The following MARCHF1 variants were observed in gnomAD, a reference collection of about 807,000 sequenced individuals.
The protein encoded by MARCHF1 is E3 ubiquitin-protein ligase MARCHF1.
Under a neutral mutation model 54.2 loss-of-function variants are expected in MARCHF1, and 40 were observed. The ratio of observed to expected loss-of-function variants is 0.74; its 90% CI spans 0.57 to 0.96. MARCHF1 has a LOEUF of 0.96. Among genes scored for constraint, MARCHF1 ranks in the 40% least tolerant of loss-of-function variants. The pLI, the probability that MARCHF1 is intolerant of heterozygous loss-of-function variation, is 0.00. For synonymous variants in MARCHF1, 236 were observed against 236.3 expected, an observed-to-expected ratio of 1.00 and a Z score of 0.01; for missense variants, 586 against 656.5, an observed-to-expected ratio of 0.89 and a Z score of 1.17.
chr4:163,611,910 T>G (rs537853871), intron 7 of MARCHF1, among the ~76,000 whole-genome samples: 1 of 152,236 alleles, frequency 6.6e-6, no homozygotes, highest in East Asian at 1.9e-4. Flanking sequence ...TCTGTCAGGA[T>G]GCCAGCAAAT....
chr4:164,188,992 T>G (rs17044732), intron 1 of MARCHF1: 17,434 of 710,708 alleles, frequency 0.025, 509 homozygotes, highest in African/African-American at 0.11. Flanking sequence ...CTATGGCAGC[T>G]GCTATTGGTT....
At chr4:163,895,015 AC>A (rs1750773775) in intron 3 of MARCHF1, among the ~76,000 whole-genome samples, 2 of 151,728 alleles carry the variant, frequency 1.3e-5, no homozygotes, top group Admixed American at 1.3e-4. Flanking sequence ...ACACATACAC[AC>A]ACATATGCAT....
chr4:164,135,511 G>A (rs1756382239), intron 1 of MARCHF1: 1 of 152,184 alleles, frequency 6.6e-6, no homozygotes, highest in South Asian at 2.1e-4. Context: ...ACAAGAAGGA[G>A]AAGAAGAATG....
At chr4:163,874,491 C>T (rs1415553728) in intron 3 of MARCHF1, among the ~76,000 whole-genome samples, 1 of 147,454 alleles carries the variant, frequency 6.8e-6, no homozygotes, top group African/African-American at 2.4e-5. Context: ...TTATGGGTTC[C>T]TCCCACACTT....
intron 1 of MARCHF1, among the ~76,000 whole-genome samples, chr4:164,280,778 T>C (rs896690165): frequency 9.2e-5 from 14 of 152,146 alleles, no homozygotes; most frequent in African/African-American, 3.4e-4. Flanking sequence ...TAAGTGGCTA[T>C]ATAGTGAGAA....
At chr4:163,714,823 C>T (rs140337369) in intron 4 of MARCHF1, among the ~76,000 whole-genome samples, 16 of 152,228 alleles carry the variant, frequency 1.1e-4, no homozygotes, top group Non-Finnish European at 2.4e-4. Context: ...GCACATGTCA[C>T]TTTGCCTGGC....
At chr4:164,101,162 G>A (rs1432005660) in intron 2 of MARCHF1, among the ~76,000 whole-genome samples, 1 of 152,184 alleles carries the variant, frequency 6.6e-6, no homozygotes, top group African/African-American at 2.4e-5. Flanking sequence ...AGATCAAACT[G>A]CAAGGCAGCA....
intron 3 of MARCHF1, among the ~76,000 whole-genome samples, chr4:163,956,436 G>C (rs1303439161): frequency 6.6e-6 from 1 of 152,216 alleles, no homozygotes; most frequent in Non-Finnish European, 1.5e-5. Flanking sequence ...AGCCAGTACT[G>C]TTGTCCGAAT....
chr4:164,000,853 T>C lies in MARCHF1; in HGVS notation c.-247-12144A>G, dbSNP rs553843216. On this transcript the variant is annotated intron_variant, in intron 2 of 9. Coordinates refer to ENST00000514618, the MANE Select transcript of MARCHF1 (RefSeq NM_001394959.1). ...TTACTATTATATGGAATAGAAACAA[T>C]AGAAACAATGATTACTGTTGTTTCT... is the stretch of plus-strand genomic sequence containing the variant. Among the ~76,000 whole-genome samples the C allele has an allele frequency of 2.0e-3, 297 of 151,780 alleles. 1 individual carries two copies. Among genetic ancestry groups the C allele is most frequent in the African/African-American group, 7.0e-3 (290 of 41,528 alleles).
intron 1 of MARCHF1, among the ~76,000 whole-genome samples, chr4:164,318,319 T>C (rs571317580): frequency 6.6e-6 from 1 of 152,154 alleles, no homozygotes; most frequent in East Asian, 1.9e-4. Flanking sequence ...TGCAAGGCAA[T>C]GTTTGATGTT....
chr4:163,821,113 A>T lies in MARCHF1; in HGVS notation c.111+32908T>A, dbSNP rs147672335. On this transcript the variant is annotated intron_variant, in intron 4 of 9. Transcript: ENST00000514618. ...TCCCTGGCCTTCTAGGCTTTTATAC[A>T]CACTTTAATCTTTGCTTATAGTATG... 3.1e-3 allele frequency among the ~76,000 whole-genome samples: 478 copies of T among 152,026 alleles called. 3 individuals carry two copies. Among genetic ancestry groups the T allele is most frequent in the African/African-American group, 0.011 (456 of 41,486 alleles).
At chr4:163,913,012 T>C (rs896213102) in intron 3 of MARCHF1, among the ~76,000 whole-genome samples, 3 of 152,366 alleles carry the variant, frequency 2.0e-5, no homozygotes, top group Non-Finnish European at 1.5e-5. Context: ...TGTTCTGTTA[T>C]GATTTGCAGT....
chr4:163,641,007 T>C (rs1742532766), intron 5 of MARCHF1, among the ~76,000 whole-genome samples: 1 of 151,998 alleles, frequency 6.6e-6, no homozygotes, highest in African/African-American at 2.4e-5. Flanking sequence ...TTCCTTCACT[T>C]ATAAATTCTG....
At chr4:164,196,556 A>G (rs1731264088) in intron 1 of MARCHF1, among the ~76,000 whole-genome samples, 1 of 152,098 alleles carries the variant, frequency 6.6e-6, no homozygotes, top group African/African-American at 2.4e-5. Flanking sequence ...CATTGTAAAT[A>G]TTTTCTTTCC....
chr4:164,045,296 G>A (rs918765833), intron 2 of MARCHF1, among the ~76,000 whole-genome samples: 1 of 151,940 alleles, frequency 6.6e-6, no homozygotes, highest in Non-Finnish European at 1.5e-5. Context: ...TGGATCACTT[G>A]AGGTTAGGAG....
At chr4:164,357,237 A>G (rs1044909112) in intron 1 of MARCHF1, among the ~76,000 whole-genome samples, 7 of 152,102 alleles carry the variant, frequency 4.6e-5, no homozygotes, top group Non-Finnish European at 1.5e-5. Context: ...ACCAGGGCTC[A>G]TTCATTTTTC....
chr4:163,681,782 T>TAGAA (rs1744113081), intron 5 of MARCHF1, among the ~76,000 whole-genome samples: 1 of 152,204 alleles, frequency 6.6e-6, no homozygotes, highest in African/African-American at 2.4e-5. Context: ...CAGGTACTTC[T>TAGAA]TCATAGCAGT....
chr4:163,719,731 G>T (rs9685715), intron 4 of MARCHF1, among the ~76,000 whole-genome samples: 2,581 of 149,812 alleles, frequency 0.017, 102 homozygotes, highest in African/African-American at 0.061. Flanking sequence ...TTCTAACTGG[G>T]GTGAGATGGT....
chr4:163,657,584 A>AG (rs1743195315), intron 5 of MARCHF1, among the ~76,000 whole-genome samples: 1 of 152,122 alleles, frequency 6.6e-6, no homozygotes, highest in Non-Finnish European at 1.5e-5. Flanking sequence ...TGGAATCAAA[A>AG]AGGAGCTCAT....
Sources: gnomAD v4.1 joint callset for allele counts (sites outside exome capture counted in the v4.1 genomes callset) on GRCh38, gnomAD v4.1.1 for gene constraint, MANE v1.5 for transcripts, NCBI Gene and HGNC (gene_info 2026-07-23, HGNC 2026-07-21) for gene names.